TTLL4: variants seen among roughly 807,000 people sequenced by gnomAD.
TTLL4 encodes the protein tubulin tyrosine ligase like 4.
In TTLL4, 85 loss-of-function variants were observed where a neutral mutation model predicts 122.7. The ratio of observed to expected loss-of-function variants is 0.69; its 90% CI spans 0.58 to 0.83. The LOEUF (loss-of-function observed/expected upper bound fraction) is 0.83, where lower values mean the gene tolerates loss of function less well. TTLL4 is among the 40% of genes least tolerant of loss of function. The probability of loss-of-function intolerance (pLI) is 0.00; values close to 1 mark genes in which losing one functional copy is unlikely to be tolerated. For synonymous variants in TTLL4, 553 were observed against 563.0 expected, an observed-to-expected ratio of 0.98 and a Z score of 0.25; for missense variants, 1,363 against 1,488.6, an observed-to-expected ratio of 0.92 and a Z score of 1.39.
Position 218,748,096 on chromosome 2 carries a change from T to C in TTLL4, c.2379-9T>C. On this transcript the variant is annotated splice_polypyrimidine_tract_variant and intron_variant, in intron 11 of 19. Transcript: ENST00000392102. ...ATCTTACCTCTGCCTTTTGTTTCCT[T>C]ACTTCCAGGTATTCGCCTTCCATGA... is the stretch of plus-strand genomic sequence containing the variant. 2.5e-6 allele frequency: 4 copies of C among 1,614,134 alleles called. No individual in the cohort carries two copies. The highest frequency in any genetic ancestry group is 3.4e-6 in the Non-Finnish European group (4 of 1,179,984).
intron 1 of TTLL4, among the ~76,000 whole-genome samples, 182 bp downstream of exon 1, chr2:218,711,219 C>G (rs1490419032): frequency 6.6e-6 from 1 of 152,238 alleles, no homozygotes; most frequent in Non-Finnish European, 1.5e-5. Context: ...CGGCCTCCTA[C>G]CCGGCCGGGA....
chr2:218,743,574 A>G (rs7600105), intron 5 of TTLL4, among the ~76,000 whole-genome samples: 7,520 of 152,224 alleles, frequency 0.049, 543 homozygotes, highest in African/African-American at 0.16. Context: ...CAGGAGTGCA[A>G]TTGCTAGGTT....
chr2:218,713,388 C>T (rs1941770008), intron 1 of TTLL4, among the ~76,000 whole-genome samples: 1 of 152,162 alleles, frequency 6.6e-6, no homozygotes, highest in African/African-American at 2.4e-5. Context: ...AGCCATCCTC[C>T]TGTCTCACCC....
chr2:218,746,439 A>C (rs1400173634), intron 8 of TTLL4: 1 of 586,082 alleles, frequency 1.7e-6, no homozygotes, highest in African/African-American at 1.9e-5. Context: ...AGTATCTTGG[A>C]GTTTCTTGCC....
At position 218,747,826 on chromosome 2, in the gene TTLL4, T is replaced by G. The variant is rs570194108; in HGVS notation, c.2378+101T>G. On this transcript the variant is annotated intron_variant, in intron 11 of 19. Transcript: ENST00000392102. The surrounding 1 kb of genome is among the most constrained non-coding windows in gnomAD (Gnocchi z 4.7). ...CACCAAACAGAAAAATAGTTTTTGT[T>G]AGCAAGGGGAAAGGCAGGAAATGGG... is the stretch of plus-strand genomic sequence containing the variant. 1.3e-5 allele frequency: 19 copies of G among 1,517,040 alleles called. No individual in the cohort carries two copies. In the East Asian group the frequency reaches 3.2e-4, roughly 25 times the overall value. 94.0% of individuals were successfully genotyped at this position (1,517,040 alleles called of 1,614,324 possible).
At chr2:218,756,073 G>T (rs972510473), downstream of TTLL4, among the ~76,000 whole-genome samples, 11 of 152,138 alleles carry the variant, frequency 7.2e-5, no homozygotes, top group African/African-American at 2.4e-4. Flanking sequence ...TCTTCTCCCC[G>T]CTGGCTGCAG....
downstream of TTLL4, among the ~76,000 whole-genome samples, chr2:218,758,851 A>G (rs1013022266): frequency 6.6e-6 from 1 of 152,244 alleles, no homozygotes; most frequent in East Asian, 1.9e-4. Context: ...ATAGCAGCTT[A>G]TTCATAGTAG....
intron 5 of TTLL4, among the ~76,000 whole-genome samples, chr2:218,740,924 T>A (rs1031125662): frequency 6.6e-6 from 1 of 152,026 alleles, no homozygotes; most frequent in African/African-American, 2.4e-5. Context: ...AATATAAAAA[T>A]TAGCAAGGTA....
rs189521656 is a variant in TTLL4 at position 218,717,615 on chromosome 2, C to T, written c.-178+6578C>T. On this transcript the variant is annotated intron_variant, in intron 1 of 19. Transcript: ENST00000392102. The stretch of plus-strand genomic sequence containing the variant: ...GTAATTTCACTAATCTTGACTTATA[C>T]GGACCCACCCTTCTCACTAGGCTGT... Among the ~76,000 whole-genome samples the T allele has an allele frequency of 6.6e-5, 10 of 152,294 alleles. No individual in the cohort carries two copies. In the East Asian group the frequency reaches 7.7e-4, roughly 12 times the overall value.
At chr2:218,740,716 G>C (rs909195963) in intron 5 of TTLL4, 132 bp downstream of exon 5, 2 of 1,063,704 alleles carry the variant, frequency 1.9e-6, no homozygotes, top group African/African-American at 3.2e-5. Flanking sequence ...TTATGTTTGC[G>C]ACTTTAGTTT....
chr2:218,730,963 TTAGC>T (rs1942364137), intron 2 of TTLL4, among the ~76,000 whole-genome samples: 2 of 151,712 alleles, frequency 1.3e-5, no homozygotes, highest in Admixed American at 1.3e-4. Context: ...AAGTAAAAAA[TTAGC>T]TAGGCATGGT....
intron 1 of TTLL4, among the ~76,000 whole-genome samples, chr2:218,720,542 C>T (rs990280716): frequency 2.0e-5 from 3 of 151,892 alleles, no homozygotes; most frequent in African/African-American, 7.3e-5. Context: ...GGCACGATGG[C>T]GGGTGCCTGT....
chr2:218,753,300 C>A, intron 18 of TTLL4, 115 bp downstream of exon 18: 2 of 1,138,844 alleles, frequency 1.8e-6, no homozygotes, highest in East Asian at 2.3e-5. Flanking sequence ...CTCCGCTAGG[C>A]TCTGCTTCTG....
rs116512949 is a variant in TTLL4, at chr2:218,722,022, C to T, written c.-177-5247C>T. On this transcript the variant is annotated intron_variant, in intron 1 of 19. Coordinates refer to ENST00000392102, the MANE Select transcript of TTLL4 (RefSeq NM_014640.5). ...TAGGGCCAGGTGTAGGGGTTCATGT[C>T]TGCAGTCCCAGCACTTTGGGAAGCT... is the stretch of plus-strand genomic sequence containing the variant. Among the ~76,000 whole-genome samples, 1,020 of 152,214 alleles carry T rather than the reference C, an allele frequency of 6.7e-3. 13 individuals carry two copies. Among genetic ancestry groups the T allele is most frequent in the African/African-American group, 0.023 (941 of 41,536 alleles).
intron 2 of TTLL4, among the ~76,000 whole-genome samples, chr2:218,733,223 G>A (rs1027614558): frequency 6.6e-6 from 1 of 152,040 alleles, no homozygotes; most frequent in South Asian, 2.1e-4. Flanking sequence ...GTATTAGTTC[G>A]TTCTCGTACT....
At chr2:218,753,767 C>A in intron 19 of TTLL4, 98 bp downstream of exon 19, 2 of 1,361,772 alleles carry the variant, frequency 1.5e-6, no homozygotes, top group Non-Finnish European at 2.1e-6. Flanking sequence ...GATCAGCATT[C>A]TCCAGCTGGG....
chr2:218,748,494 A>G, intron 12 of TTLL4: 1 of 463,210 alleles, frequency 2.2e-6, no homozygotes, highest in Non-Finnish European at 3.8e-6. Context: ...GCGTCTACTA[A>G]AAATACAAAA....
intron 5 of TTLL4, among the ~76,000 whole-genome samples, chr2:218,742,136 A>AT (rs1559369444): frequency 6.6e-6 from 1 of 151,594 alleles, no homozygotes; most frequent in African/African-American, 2.4e-5. Flanking sequence ...ATTAAAAAAA[A>AT]TTTTTTTTGT....
chr2:218,720,422 A>G (rs1941998692), intron 1 of TTLL4, among the ~76,000 whole-genome samples: 1 of 152,196 alleles, frequency 6.6e-6, no homozygotes, highest in Non-Finnish European at 1.5e-5. Context: ...TTTCATATGA[A>G]TAGGTCCAAC....
Sources: allele counts gnomAD v4.1 joint callset (sites outside exome capture counted in the v4.1 genomes callset), GRCh38; gene constraint gnomAD v4.1.1; non-coding constraint Gnocchi (gnomAD v3.1); transcripts MANE v1.5; gene names NCBI Gene and HGNC (gene_info 2026-07-23, HGNC 2026-07-21).